Variants in GALNT13 observed in about 807,000 individuals in gnomAD.
GALNT13 encodes the protein polypeptide N-acetylgalactosaminyltransferase 13, also known as UDP-GalNAc:polypeptide N-acetylgalactosaminyltransferase 13.
GALNT13 carries 28 observed loss-of-function variants against 64.2 expected under a neutral mutation model. The observed-to-expected ratio is 0.44, with a 90% CI of 0.32 to 0.60. The LOEUF (loss-of-function observed/expected upper bound fraction) is 0.60. GALNT13 is among the 20% of genes least tolerant of loss of function. The pLI is 0.05. For synonymous variants in GALNT13, 214 were observed against 224.6 expected (o/e 0.95, Z 0.42); for missense variants, 577 against 669.8 (o/e 0.86, Z 1.53).
the GALNT13 span, among the ~76,000 whole-genome samples, chr2:153,501,677 C>T: frequency 6.6e-6 from 1 of 152,100 alleles, no homozygotes; most frequent in East Asian, 1.9e-4. Flanking sequence ...CAGAAGTTAT[C>T]TTAGGGCTTC....
chr2:153,716,793 A>G, the GALNT13 span, among the ~76,000 whole-genome samples: 4 of 152,138 alleles, frequency 2.6e-5, no homozygotes, highest in Non-Finnish European at 5.9e-5. Flanking sequence ...TCTTAATCCC[A>G]TACAAAGTAA....
chr2:153,989,644 T>A (rs1695031190), intron 3 of GALNT13, among the ~76,000 whole-genome samples: 1 of 152,000 alleles, frequency 6.6e-6, no homozygotes, highest in South Asian at 2.1e-4. Context: ...CACAGGGCAA[T>A]TCCAGGGAGA....
At chr2:153,359,626 T>A in the GALNT13 span, among the ~76,000 whole-genome samples, 2 of 22,268 alleles carry the variant, frequency 9.0e-5, no homozygotes, top group Admixed American at 6.6e-4. Context: ...AATCCAGCTT[T>A]CAGCAAAAAA....
intron 3 of GALNT13, among the ~76,000 whole-genome samples, chr2:154,131,492 G>A (rs1010720961): frequency 1.3e-5 from 2 of 152,142 alleles, no homozygotes; most frequent in South Asian, 4.2e-4. Context: ...TCCTCTGCCC[G>A]CTTCTCATCT....
chr2:154,135,460 T>C lies in GALNT13; in HGVS notation c.143-4877T>C, dbSNP rs573188466. 6.6e-5 allele frequency among the ~76,000 whole-genome samples: 10 copies of C among 152,322 alleles called. No individual in the cohort carries two copies. The East Asian group carries it at 1.9e-3, about 29-fold the overall frequency. On this transcript the variant is annotated intron_variant, in intron 3 of 12. Transcript: ENST00000392825. Reference sequence around the variant, plus strand: ...TACATAAGAAATGAAAAACAAATCTTACTGTCAGATGTGTCAGATTTATAA... The same window carrying C: ...TACATAAGAAATGAAAAACAAATCTCACTGTCAGATGTGTCAGATTTATAA...
chr2:153,171,157 G>C, the GALNT13 span, among the ~76,000 whole-genome samples: 1 of 152,304 alleles, frequency 6.6e-6, no homozygotes, highest in Non-Finnish European at 1.5e-5. Flanking sequence ...AGCCAATTAT[G>C]GTCGTCTCGT....
chr2:153,256,108 C>T, the GALNT13 span, among the ~76,000 whole-genome samples: 13 of 152,270 alleles, frequency 8.5e-5, no homozygotes, highest in African/African-American at 2.2e-4. Flanking sequence ...GTACACCAAT[C>T]AGACGTAGAT....
chr2:153,621,608 T>C, the GALNT13 span, among the ~76,000 whole-genome samples: 1 of 152,116 alleles, frequency 6.6e-6, no homozygotes, highest in Admixed American at 6.6e-5. Context: ...TCAAAAACCT[T>C]ATAAGTCTAT....
chr2:153,417,252 A>G, the GALNT13 span, among the ~76,000 whole-genome samples: 1 of 152,140 alleles, frequency 6.6e-6, no homozygotes, highest in Admixed American at 6.5e-5. Context: ...AAAATAATAG[A>G]AGATGAGTCA....
chr2:153,962,243 C>T (rs1047000581), intron 3 of GALNT13, among the ~76,000 whole-genome samples: 3 of 152,108 alleles, frequency 2.0e-5, no homozygotes, highest in Non-Finnish European at 4.4e-5. Flanking sequence ...TTCACTTTCT[C>T]CACGATATAC....
chr2:153,830,165 G>A, the GALNT13 span, among the ~76,000 whole-genome samples: 1 of 147,914 alleles, frequency 6.8e-6, no homozygotes, highest in African/African-American at 2.5e-5. Flanking sequence ...TGCATGTTTT[G>A]AAAAGTTTCC....
chr2:154,058,668 G>T (rs1026845861), intron 3 of GALNT13, among the ~76,000 whole-genome samples: 3 of 152,204 alleles, frequency 2.0e-5, no homozygotes, highest in Non-Finnish European at 4.4e-5. Flanking sequence ...CCCTAGGGTG[G>T]CATCATGTCT....
At chr2:154,366,449 A>G (rs533869182) in intron 9 of GALNT13, among the ~76,000 whole-genome samples, 27 of 152,342 alleles carry the variant, frequency 1.8e-4, no homozygotes, top group Non-Finnish European at 2.8e-4. Flanking sequence ...GACATAAGTC[A>G]TACCTAGAGA....
At chr2:153,117,532 G>A in the GALNT13 span, among the ~76,000 whole-genome samples, 1 of 152,170 alleles carries the variant, frequency 6.6e-6, no homozygotes, top group Non-Finnish European at 1.5e-5. Context: ...GAAAAAGTGG[G>A]AATGGGAGTT....
intron 2 of GALNT13, among the ~76,000 whole-genome samples, chr2:153,907,239 G>GT (rs1370194025): frequency 2.0e-5 from 3 of 151,578 alleles, no homozygotes; most frequent in Admixed American, 6.6e-5. Context: ...GTGCAGAAGG[G>GT]TTTTTTGTTT....
the GALNT13 span, among the ~76,000 whole-genome samples, chr2:153,827,200 A>G: frequency 6.6e-6 from 1 of 152,052 alleles, no homozygotes; most frequent in South Asian, 2.1e-4. Flanking sequence ...TTTTAAAACC[A>G]TTAGATCTCC....
chr2:153,707,711 C>A, the GALNT13 span, among the ~76,000 whole-genome samples: 2 of 152,136 alleles, frequency 1.3e-5, no homozygotes, highest in South Asian at 4.1e-4. Context: ...AGAGTCATAG[C>A]CCATCATGTT....
At chr2:154,246,371 G>A (rs1474364345) in intron 7 of GALNT13, among the ~76,000 whole-genome samples, 2 of 152,050 alleles carry the variant, frequency 1.3e-5, no homozygotes, top group African/African-American at 4.8e-5. Context: ...GTTTTGGTAA[G>A]TATTCTAAAT....
intron 3 of GALNT13, among the ~76,000 whole-genome samples, chr2:154,131,256 C>T (rs967053132): frequency 2.6e-5 from 4 of 151,880 alleles, no homozygotes; most frequent in Non-Finnish European, 2.9e-5. Context: ...ATATAAGAAG[C>T]GTATGAGCTT....
Sources: allele counts gnomAD v4.1 joint callset (sites outside exome capture counted in the v4.1 genomes callset), GRCh38; gene constraint gnomAD v4.1.1; transcripts MANE v1.5; gene names NCBI Gene and HGNC (gene_info 2026-07-23, HGNC 2026-07-21).